Variants in DIP2A observed in about 807,000 individuals in gnomAD.
The protein encoded by DIP2A is DIP2 acetate--CoA ligase A.
A neutral mutation model predicts 177.4 loss-of-function variants in DIP2A; 85 were observed. That is an observed-to-expected ratio of 0.48 (90% confidence interval 0.40 to 0.57). The LOEUF (loss-of-function observed/expected upper bound fraction) is 0.57. DIP2A is among the 20% of genes least tolerant of loss of function. The pLI is 0.00. For missense variants in DIP2A, 1,791 were observed against 2,100.2 expected (o/e 0.85, Z 2.88); for synonymous variants, 886 against 881.8 (o/e 1.00, Z -0.08).
At position 46,517,590 on chromosome 21, in the gene DIP2A, C is replaced by G. The variant is rs561258973; in HGVS notation, c.1102+5976C>G. 1.0e-3 allele frequency among the ~76,000 whole-genome samples: 155 copies of G among 152,344 alleles called. 3 individuals carry two copies. In the South Asian group the frequency reaches 0.018, roughly 18 times the overall value. ...TGGTGTGTCCATGTGTCTCTTTCCT[C>G]TGATGGCTTCCCAGCCGTGGCGTTG... On this transcript the variant is annotated intron_variant, in intron 8 of 37. Transcript: ENST00000417564.
chr21:46,577,065 A>G, the DIP2A span, among the ~76,000 whole-genome samples: 1 of 152,088 alleles, frequency 6.6e-6, no homozygotes, highest in Non-Finnish European at 1.5e-5. Flanking sequence ...ATTTTCTCCC[A>G]TTCTGTAGGT....
chr21:46,497,186 A>G, intron 4 of DIP2A, 79 bp downstream of exon 4: 1 of 1,513,782 alleles, frequency 6.6e-7, no homozygotes, highest in African/African-American at 1.4e-5. Context: ...CTTCCCATTG[A>G]GTTGGAATAT....
intron 17 of DIP2A, among the ~76,000 whole-genome samples, chr21:46,540,670 A>G (rs1348060575): frequency 6.6e-6 from 1 of 152,230 alleles, no homozygotes; most frequent in Non-Finnish European, 1.5e-5. Flanking sequence ...TCATATATTC[A>G]TAAATGGTAT....
At chr21:46,489,098 CGTGT>C (rs1009256872) in intron 2 of DIP2A, among the ~76,000 whole-genome samples, 3 of 152,134 alleles carry the variant, frequency 2.0e-5, no homozygotes, top group East Asian at 3.9e-4. Context: ...CACAAACACA[CGTGT>C]GTGTGTGGGT....
At position 46,509,263 on chromosome 21, in the gene DIP2A, CT is replaced by C; in HGVS notation, c.792del (p.Val265Ter). ...TCTGTCCTTCCCGTGACAGGTGTCC[CT>C]GTGAACAGCAGAGTGTCCTCCAAAA... ...GSMLETADGV[P>X]VNSRVSSKIQ... On this transcript the variant is annotated frameshift_variant, in exon 7 of 38. Transcript: ENST00000417564. LOFTEE classifies it high-confidence loss of function. The C allele has an allele frequency of 6.2e-7, 1 of 1,612,666 alleles. No individual in the cohort carries two copies. The highest frequency in any genetic ancestry group is 8.5e-7 in the Non-Finnish European group (1 of 1,179,388).
At chr21:46,509,109 G>T (rs2148614111) in intron 6 of DIP2A, 148 bp from the exon 7 acceptor site, 2 of 777,214 alleles carry the variant, frequency 2.6e-6, no homozygotes, top group Non-Finnish European at 3.7e-6. Context: ...TAAATGAATT[G>T]ATTCCAAAAT....
rs188352954 is a variant in DIP2A at position 46,499,500 on chromosome 21, T to C, written c.655+667T>C. On this transcript the variant is annotated intron_variant, in intron 5 of 37. Transcript: ENST00000417564. ...TCTGTACCTGGCTGGAATTCTGAGG[T>C]TGGGGTAGAGGGCTTTCGCTCCTCC... 9.1e-4 allele frequency among the ~76,000 whole-genome samples: 139 copies of C among 152,256 alleles called. 1 individual carries two copies. Among genetic ancestry groups the C allele is most frequent in the South Asian group, 4.8e-3 (23 of 4,814 alleles).
At position 46,498,252 on chromosome 21, in the gene DIP2A, A is replaced by T. The variant is rs1025126715; in HGVS notation, c.404-330A>T. Among the ~76,000 whole-genome samples the T allele has an allele frequency of 6.6e-6, 1 of 152,180 alleles. No homozygotes were observed. Among genetic ancestry groups the T allele is most frequent in the Non-Finnish European group, 1.5e-5 (1 of 68,036 alleles). On this transcript the variant is annotated intron_variant, in intron 4 of 37. Coordinates refer to ENST00000417564, the MANE Select transcript of DIP2A (RefSeq NM_015151.4). This position sits in a 1 kb window ranked among gnomAD's most constrained non-coding sequence, Gnocchi z 4.3. Reference sequence around the variant, plus strand: ...TCTGTGGACATGCAGTGCAGCACTGAATATTCACAGAACACCCCCACTGAG... The same window carrying T: ...TCTGTGGACATGCAGTGCAGCACTGTATATTCACAGAACACCCCCACTGAG...
chr21:46,490,524 C>T, intron 2 of DIP2A, 76 bp from the exon 3 acceptor site: 1 of 1,463,726 alleles, frequency 6.8e-7, no homozygotes, highest in Non-Finnish European at 9.2e-7. Context: ...GAAATGTAAG[C>T]TGTTTTCAAT....
chr21:46,487,646 T>G (rs986498771), intron 2 of DIP2A, among the ~76,000 whole-genome samples: 1 of 152,212 alleles, frequency 6.6e-6, no homozygotes, highest in African/African-American at 2.4e-5. Flanking sequence ...GATATGAAGA[T>G]AGAAGGCAAA....
At chr21:46,476,472 A>G (rs930218059) in intron 1 of DIP2A, among the ~76,000 whole-genome samples, 3 of 152,124 alleles carry the variant, frequency 2.0e-5, no homozygotes, top group African/African-American at 4.8e-5. Flanking sequence ...GCACTAGCCC[A>G]GAAGCACAGA....
rs1048396804 is a variant in DIP2A at position 46,529,033 on chromosome 21, A to C, written c.1103-59A>C. The C allele has an allele frequency of 4.3e-6, 5 of 1,151,804 alleles. No homozygotes were observed. The East Asian group carries it at 1.3e-4, about 31-fold the overall frequency. 71.3% of individuals were successfully genotyped at this position (1,151,804 alleles called of 1,614,324 possible). A position where few individuals can be genotyped will look rare whatever the true frequency, so the allele number is the denominator to read the frequency against. ...TCGGGGTATTTTGGTTTCTACATTA[A>C]AATGTTAATTACTTGTTTCTTAAAT... On this transcript the variant is annotated intron_variant, in intron 8 of 37. Coordinates refer to ENST00000417564, the MANE Select transcript of DIP2A (RefSeq NM_015151.4).
In DIP2A at chr21:46,556,450, G is replaced by A. The variant is rs188344901; in HGVS notation, c.3498+359G>A. ...TGTAATCCCAGCACTTCGGGAGGCC[G>A]AGGCGGGTGGATCACAAGATCAAGA... is the stretch of plus-strand genomic sequence containing the variant. On this transcript the variant is annotated intron_variant, in intron 29 of 37. Coordinates refer to ENST00000417564, the MANE Select transcript of DIP2A (RefSeq NM_015151.4). This position sits in a 1 kb window ranked among gnomAD's most constrained non-coding sequence, Gnocchi z 4.5. The A allele has an allele frequency of 3.7e-5, 43 of 1,162,686 alleles. No individual in the cohort carries two copies. The African/African-American group carries it at 4.4e-4, about 12-fold the overall frequency. The allele number at this position is 1,162,686 out of a possible 1,614,324, so 72.0% of individuals were successfully genotyped here.
chr21:46,562,874 G>A (rs756822781), intron 34 of DIP2A, among the ~76,000 whole-genome samples: 15 of 152,198 alleles, frequency 9.9e-5, no homozygotes, highest in Non-Finnish European at 1.9e-4. Flanking sequence ...CATGTGAGCC[G>A]CCATCGCACA....
intron 8 of DIP2A, among the ~76,000 whole-genome samples, chr21:46,519,390 G>A (rs911012371): frequency 5.9e-5 from 9 of 152,096 alleles, no homozygotes; most frequent in African/African-American, 2.2e-4. Flanking sequence ...TATTCAAGAT[G>A]GAGTTGCTCT....
intron 1 of DIP2A, among the ~76,000 whole-genome samples, chr21:46,468,038 C>G (rs7278913): frequency 5.9e-5 from 9 of 151,602 alleles, no homozygotes; most frequent in Admixed American, 5.9e-4. Context: ...CCGAGGTAGA[C>G]GGATCACTTG....
In DIP2A at chr21:46,497,118, A is replaced by T; in HGVS notation, c.403+11A>T. 1.9e-6 allele frequency: 3 copies of T among 1,557,742 alleles called. No individual in the cohort carries two copies. Among genetic ancestry groups the T allele is most frequent in the South Asian group, 2.3e-5 (2 of 88,458 alleles). ...CCTACACCCCTCCAGGTATTGATAA[A>T]CAATGTCAAGTGTGGCTTTTTTTTG... On this transcript the variant is annotated intron_variant, in intron 4 of 37. Coordinates refer to ENST00000417564, the MANE Select transcript of DIP2A (RefSeq NM_015151.4).
At chr21:46,461,607 G>A (rs2054319173) in intron 1 of DIP2A, among the ~76,000 whole-genome samples, 1 of 152,120 alleles carries the variant, frequency 6.6e-6, no homozygotes, top group African/African-American at 2.4e-5. Flanking sequence ...CAGAACACAA[G>A]TACTTAAATG....
intron 3 of DIP2A, among the ~76,000 whole-genome samples, chr21:46,496,596 A>G (rs1307081583): frequency 1.3e-5 from 2 of 152,298 alleles, no homozygotes; most frequent in African/African-American, 4.8e-5. Context: ...AAAATCTCAT[A>G]ATGTTTTAAG....
Sources: allele counts gnomAD v4.1 joint callset (sites outside exome capture counted in the v4.1 genomes callset), GRCh38; gene constraint gnomAD v4.1.1; non-coding constraint Gnocchi (gnomAD v3.1); transcripts MANE v1.5; gene names NCBI Gene and HGNC (gene_info 2026-07-23, HGNC 2026-07-21).